Variants in KCNB2 observed in about 807,000 individuals in gnomAD.
The protein encoded by KCNB2 is delayed rectifier potassium channel protein.
Under a neutral mutation model 61.5 loss-of-function variants are expected in KCNB2, and 15 were observed. The observed-to-expected ratio is 0.24, with a 90% CI of 0.16 to 0.38. KCNB2 has a LOEUF of 0.38. Ranked by LOEUF, KCNB2 falls within the 10% of genes least tolerant of loss-of-function variation. KCNB2 has a pLI of 1.00. For synonymous variants in KCNB2, 457 were observed against 446.0 expected (o/e 1.02, Z -0.31); for missense variants, 828 against 1,125.2 (o/e 0.74, Z 3.78).
At chr8:72,782,382 C>A (rs1808774419) in intron 2 of KCNB2, among the ~76,000 whole-genome samples, 1 of 152,008 alleles carries the variant, frequency 6.6e-6, no homozygotes, top group Admixed American at 6.6e-5. Flanking sequence ...GCTAGAGAAT[C>A]CCCTTCGCCA....
intron 2 of KCNB2, among the ~76,000 whole-genome samples, chr8:72,859,929 G>T (rs1585937568): frequency 1.3e-5 from 1 of 79,636 alleles, no homozygotes; most frequent in South Asian, 5.8e-4. Context: ...ATGTTCGTCA[G>T]CCTGGTCTCA....
chr8:72,736,361 G>A (rs1032619639), intron 2 of KCNB2, among the ~76,000 whole-genome samples: 3 of 151,980 alleles, frequency 2.0e-5, no homozygotes, highest in Non-Finnish European at 4.4e-5. Context: ...CTATTTTGAC[G>A]ATGGAGAACT....
In KCNB2 at chr8:72,589,860, G is replaced by A. The variant is rs559255277; in HGVS notation, c.579+21547G>A. Among the ~76,000 whole-genome samples, 3 of 152,262 alleles carry A rather than the reference G, an allele frequency of 2.0e-5. No individual in the cohort carries two copies. In the South Asian group the frequency reaches 6.2e-4, roughly 32 times the overall value. The stretch of plus-strand genomic sequence containing the variant: ...GCTTTCATGGTGATTATACAACTAA[G>A]GGCAGGCATGTGACCACTTTATTCT... On this transcript the variant is annotated intron_variant, in intron 2 of 2. Transcript: ENST00000523207.
chr8:72,559,382 C>T (rs996768588), intron 1 of KCNB2, among the ~76,000 whole-genome samples: 14 of 151,958 alleles, frequency 9.2e-5, no homozygotes, highest in Admixed American at 1.3e-4. Context: ...TGAGCTCAGG[C>T]AATCCACCTG....
intron 1 of KCNB2, among the ~76,000 whole-genome samples, chr8:72,562,163 A>G (rs1207465464): frequency 1.3e-5 from 2 of 152,116 alleles, no homozygotes; most frequent in Non-Finnish European, 2.9e-5. Context: ...ACAACTTTAG[A>G]AAGGTTTGCT....
chr8:72,769,831 A>G (rs1808531497), intron 2 of KCNB2, among the ~76,000 whole-genome samples: 1 of 152,186 alleles, frequency 6.6e-6, no homozygotes, highest in Admixed American at 6.5e-5. Flanking sequence ...GTGATCCCAG[A>G]TCTAGCATCA....
At chr8:72,847,736 A>T (rs1268774898) in intron 2 of KCNB2, among the ~76,000 whole-genome samples, 1 of 152,212 alleles carries the variant, frequency 6.6e-6, no homozygotes, top group African/African-American at 2.4e-5. Flanking sequence ...AAAAACAGTG[A>T]TTGTCCAAAT....
chr8:72,617,467 C>T (rs1480294645), intron 2 of KCNB2, among the ~76,000 whole-genome samples: 2 of 152,098 alleles, frequency 1.3e-5, no homozygotes, highest in African/African-American at 2.4e-5. Flanking sequence ...CCAGAGAGAC[C>T]TGAAGAACTC....
chr8:72,734,480 T>C (rs1231900310), intron 2 of KCNB2, among the ~76,000 whole-genome samples: 2 of 152,216 alleles, frequency 1.3e-5, no homozygotes, highest in Admixed American at 1.3e-4. Flanking sequence ...TAAATATTTT[T>C]TAAAGAATTG....
chr8:72,742,844 A>G (rs967195015), intron 2 of KCNB2, among the ~76,000 whole-genome samples: 17 of 152,196 alleles, frequency 1.1e-4, no homozygotes, highest in African/African-American at 3.1e-4. Flanking sequence ...GTCTGACGAT[A>G]AATTCTTCTT....
At chr8:72,870,805 C>T (rs1253727152) in intron 2 of KCNB2, among the ~76,000 whole-genome samples, 3 of 152,102 alleles carry the variant, frequency 2.0e-5, no homozygotes, top group Non-Finnish European at 4.4e-5. Flanking sequence ...TAGCAAAACT[C>T]CATCTCTATA....
intron 2 of KCNB2, among the ~76,000 whole-genome samples, chr8:72,869,930 G>A (rs1177194166): frequency 1.3e-5 from 2 of 152,080 alleles, no homozygotes; most frequent in Non-Finnish European, 2.9e-5. Flanking sequence ...GCCAAGGCAT[G>A]GAAACCACCT....
rs894605448 is a variant in KCNB2, at chr8:72,937,545, G to A, written c.2190G>A (p.Pro730=). The A allele has an allele frequency of 7.4e-6, 12 of 1,613,698 alleles. No individual in the cohort carries two copies. The African/African-American group carries it at 8.0e-5, about 11-fold the overall frequency. The part of the protein sequence containing the change: ...KENRGSAPQT[P]PSTARPLPVT... ...ATAGAGGCAGTGCACCACAGACCCCGCCCAGCACAGCCAGGCCACTGCCAG... is the reference window on the plus strand; with the variant it reads ...ATAGAGGCAGTGCACCACAGACCCCACCCAGCACAGCCAGGCCACTGCCAG... The change falls in exon 3 of 3, where the codon CCG becomes CCA. Residue 730 remains proline (P), a synonymous_variant. Coordinates refer to ENST00000523207, the MANE Select transcript of KCNB2 (RefSeq NM_004770.3).
At chr8:72,571,153 A>T (rs1183837320) in intron 2 of KCNB2, among the ~76,000 whole-genome samples, 1 of 152,250 alleles carries the variant, frequency 6.6e-6, no homozygotes, top group Admixed American at 6.5e-5. Context: ...AACAGGCTAA[A>T]ATATCTATTC....
intron 2 of KCNB2, among the ~76,000 whole-genome samples, chr8:72,597,953 T>G (rs1359700904): frequency 6.6e-6 from 1 of 152,184 alleles, no homozygotes; most frequent in Non-Finnish European, 1.5e-5. Flanking sequence ...AGAAATACCA[T>G]TCGACCCAGC....
chr8:72,759,414 T>C (rs1406185766), intron 2 of KCNB2, among the ~76,000 whole-genome samples: 1 of 152,216 alleles, frequency 6.6e-6, no homozygotes, highest in African/African-American at 2.4e-5. Context: ...TCATGCCTCC[T>C]ATAGGCACTT....
chr8:72,644,147 T>G (rs765300120), intron 2 of KCNB2, among the ~76,000 whole-genome samples: 2 of 152,120 alleles, frequency 1.3e-5, no homozygotes, highest in African/African-American at 2.4e-5. Context: ...ATGAACCAAT[T>G]GTTTTCATAC....
At chr8:72,704,905 T>C (rs924368633) in intron 2 of KCNB2, among the ~76,000 whole-genome samples, 4 of 152,226 alleles carry the variant, frequency 2.6e-5, no homozygotes, top group African/African-American at 9.6e-5. Flanking sequence ...TAATACCTAA[T>C]ACAATGTAAA....
At chr8:72,736,945 T>A (rs1807856099) in intron 2 of KCNB2, among the ~76,000 whole-genome samples, 1 of 152,112 alleles carries the variant, frequency 6.6e-6, no homozygotes, top group African/African-American at 2.4e-5. Flanking sequence ...TTTCTATCCT[T>A]GTATATACAT....
Sources: gnomAD v4.1 joint callset for allele counts (sites outside exome capture counted in the v4.1 genomes callset) on GRCh38, gnomAD v4.1.1 for gene constraint, MANE v1.5 for transcripts, NCBI Gene and HGNC (gene_info 2026-07-23, HGNC 2026-07-21) for gene names.